Variants in PIAS4 observed in about 807,000 individuals in gnomAD.
The protein encoded by PIAS4 is protein inhibitor of activated STAT 4.
PIAS4 carries 7 observed loss-of-function variants against 58.0 expected under a neutral mutation model. That is an observed-to-expected ratio of 0.12 (90% CI 0.07 to 0.23). The LOEUF (loss-of-function observed/expected upper bound fraction) is 0.23, where lower values mean the gene tolerates loss of function less well. Among genes scored for constraint, PIAS4 ranks in the 10% least tolerant of loss-of-function variants. The probability of loss-of-function intolerance (pLI) is 1.00; values close to 1 mark genes in which losing one functional copy is unlikely to be tolerated. For synonymous variants in PIAS4, 364 were observed against 312.4 expected, an observed-to-expected ratio of 1.17 and a Z score of -1.74; for missense variants, 550 against 709.5, an observed-to-expected ratio of 0.78 and a Z score of 2.55.
rs1415632114 is a variant in PIAS4, at chr19:4,013,152, T to C, written c.257T>C (p.Met86Thr). ...QPHRPLDPLT[M>T]HSTYDRAGAV... ...CACCGGCCCCTGGACCCCCTGACCA[T>C]GCACTCCACCTACGACCGGGCCGGC... Residue 86 changes from methionine (M) to threonine (T), a missense_variant, in exon 2 of 11, where the codon ATG becomes ACG. Coordinates refer to ENST00000262971, the MANE Select transcript of PIAS4 (RefSeq NM_015897.4). This position sits in a 1 kb window ranked among gnomAD's most constrained non-coding sequence, Gnocchi z 5.1. The C allele has an allele frequency of 1.2e-6, 2 of 1,613,380 alleles. No individual in the cohort carries two copies. The highest frequency in any genetic ancestry group is 1.7e-6 in the Non-Finnish European group (2 of 1,179,998).
At chr19:4,010,493 C>T (rs2039982323) in intron 1 of PIAS4, among the ~76,000 whole-genome samples, 1 of 152,234 alleles carries the variant, frequency 6.6e-6, no homozygotes, top group South Asian at 2.1e-4. Context: ...TTGTTTTCTG[C>T]ACAAGGTAGG....
At chr19:4,011,728 G>A (rs1442178469) in intron 1 of PIAS4, among the ~76,000 whole-genome samples, 4,524 of 61,840 alleles carry the variant, frequency 0.073, 362 homozygotes, top group Non-Finnish European at 0.12. Context: ...GGTGTGTGGG[G>A]TGTGGAGGTG....
At chr19:4,023,974 C>T (rs954153446) in intron 2 of PIAS4, 62 bp from the exon 3 acceptor site, 3 of 1,136,568 alleles carry the variant, frequency 2.6e-6, no homozygotes, top group Admixed American at 1.7e-5. Context: ...CTGGGAAAAG[C>T]GACTGGGCTC....
intron 2 of PIAS4, among the ~76,000 whole-genome samples, chr19:4,022,969 C>G (rs1038683179): frequency 3.4e-4 from 51 of 151,270 alleles, no homozygotes; most frequent in African/African-American, 3.9e-4. Flanking sequence ...GTCGGGAGTT[C>G]GAGAGCAGCC....
Position 4,013,773 on chromosome 19 carries a change from T to C in PIAS4, c.454+424T>C, listed in dbSNP as rs1304688916. Among the ~76,000 whole-genome samples the C allele has an allele frequency of 6.6e-6, 1 of 152,192 alleles. No homozygotes were observed. Among genetic ancestry groups the C allele is most frequent in the Non-Finnish European group, 1.5e-5 (1 of 68,016 alleles). On this transcript the variant is annotated intron_variant, in intron 2 of 10. Transcript: ENST00000262971. This position sits in a 1 kb window ranked among gnomAD's most constrained non-coding sequence, Gnocchi z 5.1. ...CTTGGCCACAGTCCCCAGGTCCTCA[T>C]GGTGCGGACTCCTGCACGGATTGCC...
intron 1 of PIAS4, among the ~76,000 whole-genome samples, chr19:4,010,723 C>T (rs979132475): frequency 7.9e-5 from 12 of 152,198 alleles, no homozygotes; most frequent in East Asian, 3.9e-4. Context: ...CTGTGAGCCT[C>T]GGTTTCCTCA....
At chr19:4,019,936 T>TG (rs1029302482) in intron 2 of PIAS4, among the ~76,000 whole-genome samples, 2 of 149,678 alleles carry the variant, frequency 1.3e-5, no homozygotes, top group African/African-American at 5.0e-5. Flanking sequence ...TTTTTTTTTT[T>TG]GAAATGGAGT....
chr19:4,037,344 C>A lies in PIAS4; in HGVS notation c.1143-30C>A. 6.3e-7 allele frequency: 1 copy of A among 1,582,286 alleles called. No individual in the cohort carries two copies. Reference sequence around the variant, plus strand: ...AGTTGGGGGGGTGGGGCACCTCCAGCCCCGGCGTCAGCTGTCCGCCTCGCC... The same window carrying A: ...AGTTGGGGGGGTGGGGCACCTCCAGACCCGGCGTCAGCTGTCCGCCTCGCC... On this transcript the variant is annotated intron_variant, in intron 9 of 10. Transcript: ENST00000262971. The surrounding 1 kb of genome is among the most constrained non-coding windows in gnomAD (Gnocchi z 5.8).
chr19:4,033,165 A>T lies in PIAS4; in HGVS notation c.973A>T (p.Ile325Phe), dbSNP rs2040238808. Reference sequence around the variant, plus strand: ...CACCACCGGTGTGCGGGTGTCCCTCATCTGTCCGGTGAGTCGGGGCGCGGT... The same window carrying T: ...CACCACCGGTGTGCGGGTGTCCCTCTTCTGTCCGGTGAGTCGGGGCGCGGT... ...IATTGVRVSL[I>F]CPLVKMRLSV... Residue 325 changes from isoleucine to phenylalanine, a missense_variant, in exon 8 of 11, where the codon ATC becomes TTC. Ile to Phe is a conservative substitution (Grantham distance 21). Around this residue, in one of 4 missense-constraint regions of PIAS4, gnomAD observed 225 missense variants for 345.8 expected, o/e 0.65. Transcript: ENST00000262971. 6.2e-7 allele frequency: 1 copy of T among 1,609,664 alleles called. No homozygotes were observed.
intron 9 of PIAS4, among the ~76,000 whole-genome samples, chr19:4,036,648 TCA>T (rs1223619045): frequency 2.5e-5 from 3 of 120,154 alleles, no homozygotes; most frequent in East Asian, 4.4e-4. Flanking sequence ...GTCCACACTG[TCA>T]TACACACACA....
intron 7 of PIAS4, 64 bp downstream of exon 7, chr19:4,029,100 T>G (rs2040197977): frequency 1.6e-6 from 2 of 1,230,918 alleles, no homozygotes; most frequent in Non-Finnish European, 2.3e-6. Flanking sequence ...CGCCCTGTGC[T>G]GGGTGAAGCG....
chr19:4,035,544 G>A (rs73918125), intron 9 of PIAS4, among the ~76,000 whole-genome samples: 2 of 152,116 alleles, frequency 1.3e-5, no homozygotes, highest in Non-Finnish European at 2.9e-5. Context: ...CACAGTGGGG[G>A]TGCTCTGGAG....
chr19:4,028,229 G>GCC (rs1599227273), intron 4 of PIAS4, 42 bp downstream of exon 4: 2 of 1,076,724 alleles, frequency 1.9e-6, no homozygotes, highest in Non-Finnish European at 2.5e-6. Context: ...TGGACCCCCA[G>GCC]CCACCCGCCC....
In PIAS4 at chr19:4,037,884, G is replaced by A. The variant is rs777201304; in HGVS notation, c.*9G>A. The stretch of plus-strand genomic sequence containing the variant: ...TGGTGCCGGCCTGCTGACCCCGGCC[G>A]CACACTCGACTTTCCTGGTGCTCAC... On this transcript the variant is annotated 3_prime_UTR_variant, in exon 11 of 11. Transcript: ENST00000262971. This position sits in a 1 kb window ranked among gnomAD's most constrained non-coding sequence, Gnocchi z 5.8. 6.3e-5 allele frequency: 99 copies of A among 1,565,590 alleles called. No homozygotes were observed. The highest frequency in any genetic ancestry group is 7.5e-5 in the Non-Finnish European group (87 of 1,160,996).
intron 7 of PIAS4, 58 bp from the exon 8 acceptor site, chr19:4,033,042 A>G (rs956513987): frequency 5.1e-6 from 7 of 1,385,530 alleles, no homozygotes; most frequent in Non-Finnish European, 7.1e-6. Context: ...CTCGAATCAC[A>G]GCCCCGCGCC....
rs968897677 is a variant in PIAS4, at chr19:4,013,871, C to A, written c.454+522C>A. Among the ~76,000 whole-genome samples, 1 of 152,130 alleles carries A rather than the reference C, an allele frequency of 6.6e-6. No homozygotes were observed. The highest frequency in any genetic ancestry group is 1.5e-5 in the Non-Finnish European group (1 of 68,000). ...GCACCTCCAAGCTGGGAGCTGGAGC[C>A]CTTTTTATAACCCAACCTCGGACAC... On this transcript the variant is annotated intron_variant, in intron 2 of 10. Transcript: ENST00000262971. This position sits in a 1 kb window ranked among gnomAD's most constrained non-coding sequence, Gnocchi z 5.1.
At chr19:4,032,164 TA>T (rs1442444103) in intron 7 of PIAS4, among the ~76,000 whole-genome samples, 9 of 150,428 alleles carry the variant, frequency 6.0e-5, no homozygotes, top group African/African-American at 1.7e-4. Context: ...TAAGGGGTGG[TA>T]GGGGCATTTC....
chr19:4,036,716 A>G (rs1341728934), intron 9 of PIAS4, among the ~76,000 whole-genome samples: 2 of 145,104 alleles, frequency 1.4e-5, no homozygotes, highest in Non-Finnish European at 3.1e-5. Context: ...ATACACACAC[A>G]CATCTCTACA....
intron 1 of PIAS4, among the ~76,000 whole-genome samples, chr19:4,011,568 A>G (rs1478643285): frequency 1.3e-5 from 2 of 152,214 alleles, no homozygotes; most frequent in Non-Finnish European, 2.9e-5. Context: ...AGGTCCTGCA[A>G]CAGCCCCTGT....
Sources: allele counts gnomAD v4.1 joint callset (sites outside exome capture counted in the v4.1 genomes callset), GRCh38; gene constraint gnomAD v4.1.1; regional missense constraint gnomAD v4.1.1; non-coding constraint Gnocchi (gnomAD v3.1); transcripts MANE v1.5; gene names NCBI Gene and HGNC (gene_info 2026-07-23, HGNC 2026-07-21).